The following PPM1D variants were observed in gnomAD, a reference collection of about 807,000 sequenced individuals.
PPM1D encodes protein phosphatase, Mg2+/Mn2+ dependent 1D, also known as protein phosphatase 1D.
A neutral mutation model predicts 58.3 loss-of-function variants in PPM1D; 52 were observed. That is an observed-to-expected ratio of 0.89 (90% CI 0.71 to 1.12). The LOEUF (loss-of-function observed/expected upper bound fraction) is 1.12. Ranked by LOEUF, PPM1D falls within the 50% of genes most tolerant of loss-of-function variation. The pLI, the probability that PPM1D is intolerant of heterozygous loss-of-function variation, is 0.00. For missense variants in PPM1D, 564 were observed against 777.2 expected, an observed-to-expected ratio of 0.73 and a Z score of 3.26; for synonymous variants, 278 against 285.1, an observed-to-expected ratio of 0.98 and a Z score of 0.25.
At chr17:60,611,976 G>A (rs2030464905) in intron 1 of PPM1D, among the ~76,000 whole-genome samples, 1 of 151,404 alleles carries the variant, frequency 6.6e-6, no homozygotes, top group South Asian at 2.1e-4. Context: ...CCTATGTGCT[G>A]TCCAATTGAC....
In PPM1D at chr17:60,649,628, G is replaced by T. The variant is rs201377878; in HGVS notation, c.1017+1546G>T. 1.2e-4 allele frequency among the ~76,000 whole-genome samples: 18 copies of T among 151,864 alleles called. No individual in the cohort carries two copies. In the South Asian group the frequency reaches 3.7e-3, roughly 32 times the overall value. On this transcript the variant is annotated intron_variant, in intron 4 of 5. Coordinates refer to ENST00000305921, the MANE Select transcript of PPM1D (RefSeq NM_003620.4). ...CTCTTGAACCCAGGAGGCAGAGGTC[G>T]CAGTGAGCCAAGATCATGCCATTGC...
intron 4 of PPM1D, among the ~76,000 whole-genome samples, chr17:60,655,590 A>C (rs946449366): frequency 6.6e-6 from 1 of 152,094 alleles, no homozygotes; most frequent in Non-Finnish European, 1.5e-5. Context: ...CTTGCAGTCC[A>C]CCTGCCTCCA....
rs1167161606 is a variant in PPM1D at position 60,623,660 on chromosome 17, G to A, written c.612G>A (p.Lys204=). The change falls in exon 2 of 6, where the codon AAG becomes AAA. Residue 204 remains lysine, a synonymous_variant. Coordinates refer to ENST00000305921, the MANE Select transcript of PPM1D (RefSeq NM_003620.4). ...TTCTTGGAATTCAGGATGACCCGAA[G>A]GATGACTTTGTCAGAGCTGTGGAGG... ...GVVLGIQDDP[K]DDFVRAVEVT... is the part of the protein sequence containing the mutation. The A allele has an allele frequency of 6.2e-7, 1 of 1,614,194 alleles. No individual in the cohort carries two copies.
At chr17:60,652,559 T>G (rs2031364685) in intron 4 of PPM1D, among the ~76,000 whole-genome samples, 1 of 145,672 alleles carries the variant, frequency 6.9e-6, no homozygotes, top group Non-Finnish European at 1.5e-5. Flanking sequence ...TGTTTTTTTT[T>G]TTTTTTTTTT....
intron 1 of PPM1D, among the ~76,000 whole-genome samples, chr17:60,606,999 A>AT (rs996101204): frequency 1.4e-3 from 200 of 142,946 alleles, no homozygotes; most frequent in Middle Eastern, 3.6e-3. Context: ...TTTTTTTTTA[A>AT]TTTTTTTTTT....
chr17:60,603,460 A>G (rs1288867527), intron 1 of PPM1D, among the ~76,000 whole-genome samples: 1 of 152,186 alleles, frequency 6.6e-6, no homozygotes, highest in Non-Finnish European at 1.5e-5. Context: ...ACCTCTTTCA[A>G]TGTCTGGCTT....
Position 60,600,490 on chromosome 17 carries a change from C to A in PPM1D, c.76C>A (p.Gln26Lys). 1 of 1,573,630 alleles carries A rather than the reference C, an allele frequency of 6.4e-7. No individual in the cohort carries two copies. The highest frequency in any genetic ancestry group is 2.3e-5 in the East Asian group (1 of 43,048). ...GGRKYMEDVTQIVVEPEPTAE... is the reference protein window; with the variant it reads ...GGRKYMEDVTKIVVEPEPTAE... ...GAGGAAGTACATGGAGGACGTTACT[C>A]AAATCGTTGTGGAGCCCGAACCGAC... is the stretch of plus-strand genomic sequence containing the variant. The change falls in exon 1 of 6, where the codon CAA becomes AAA. Residue 26 changes from glutamine to lysine, a missense_variant. Around this residue, in one of 7 missense-constraint regions of PPM1D, gnomAD observed 132 missense variants for 150.4 expected, o/e 0.88. Transcript: ENST00000305921.
At chr17:60,637,021 T>A (rs1387131287) in intron 3 of PPM1D, among the ~76,000 whole-genome samples, 1 of 150,278 alleles carries the variant, frequency 6.7e-6, no homozygotes, top group African/African-American at 2.4e-5. Flanking sequence ...CAGGTTGGCG[T>A]GCAGTGATGT....
rs973859079 is a variant in PPM1D, at chr17:60,600,302, C to G, written c.-113C>G. The G allele has an allele frequency of 1.4e-6, 2 of 1,458,630 alleles. No individual in the cohort carries two copies. The highest frequency in any genetic ancestry group is 2.6e-5 in the East Asian group (1 of 38,734). 90.4% of individuals were successfully genotyped at this position (1,458,630 alleles called of 1,614,324 possible). A position where few individuals can be genotyped will look rare whatever the true frequency, so the allele number is the denominator to read the frequency against. ...CCCTTCTCCGGGTCCGCCCCCTCCC[C>G]CTTCTCGGCGTCGTCGAAGATAAAC... On this transcript the variant is annotated 5_prime_UTR_variant, in exon 1 of 6. Coordinates refer to ENST00000305921, the MANE Select transcript of PPM1D (RefSeq NM_003620.4).
chr17:60,645,634 ATGTGTGTG>A (rs746534479), intron 3 of PPM1D, among the ~76,000 whole-genome samples: 14 of 135,688 alleles, frequency 1.0e-4, no homozygotes, highest in Non-Finnish European at 2.0e-4. Context: ...GTATATGTAT[ATGTGTGTG>A]TGTGTATATA....
chr17:60,648,212 G>A, intron 4 of PPM1D, 130 bp downstream of exon 4: 2 of 861,842 alleles, frequency 2.3e-6, no homozygotes, highest in East Asian at 5.5e-5. Context: ...CTGCTAGTGG[G>A]TAAAACATAG....
intron 1 of PPM1D, among the ~76,000 whole-genome samples, chr17:60,603,090 C>CA (rs1229723879): frequency 1.3e-5 from 2 of 152,172 alleles, no homozygotes; most frequent in South Asian, 2.1e-4. Flanking sequence ...AAGGAAAACT[C>CA]AAACAAAAAT....
chr17:60,635,470 C>T (rs2031005814), intron 3 of PPM1D, among the ~76,000 whole-genome samples: 1 of 152,200 alleles, frequency 6.6e-6, no homozygotes, highest in African/African-American at 2.4e-5. Context: ...CCGCCTTGGC[C>T]TCCCAAAGTG....
At chr17:60,657,019 C>T in intron 5 of PPM1D, 178 bp downstream of exon 5, 1 of 1,533,350 alleles carries the variant, frequency 6.5e-7, no homozygotes, top group Non-Finnish European at 8.7e-7. Context: ...GAATGCCAGC[C>T]ATGTGTACAG....
chr17:60,612,155 C>A (rs755038154), intron 1 of PPM1D, among the ~76,000 whole-genome samples: 1 of 152,112 alleles, frequency 6.6e-6, no homozygotes, highest in Admixed American at 6.6e-5. Flanking sequence ...TCATCACATT[C>A]AAAGCAATAA....
chr17:60,642,257 A>C (rs946547652), intron 3 of PPM1D, among the ~76,000 whole-genome samples: 2 of 152,170 alleles, frequency 1.3e-5, no homozygotes, highest in Non-Finnish European at 2.9e-5. Context: ...TTGAGCATCA[A>C]AACAAATTAT....
chr17:60,622,990 G>A (rs945323093), intron 1 of PPM1D, among the ~76,000 whole-genome samples: 2 of 152,150 alleles, frequency 1.3e-5, no homozygotes, highest in East Asian at 1.9e-4. Context: ...CCAGCTACTC[G>A]AGAGGCTGAG....
At position 60,600,286 on chromosome 17, in the gene PPM1D, G is replaced by A. The variant is rs1030308178; in HGVS notation, c.-129G>A. The A allele has an allele frequency of 2.8e-6, 4 of 1,434,562 alleles. No homozygotes were observed. In the South Asian group the frequency reaches 5.7e-5, roughly 20 times the overall value. 88.9% of individuals were successfully genotyped at this position (1,434,562 alleles called of 1,614,324 possible). ...AGACATCGCGCGCCCCCCCTTCTCC[G>A]GGTCCGCCCCCTCCCCCTTCTCGGC... On this transcript the variant is annotated 5_prime_UTR_variant, in exon 1 of 6. Transcript: ENST00000305921.
chr17:60,643,159 C>T (rs1436706960), intron 3 of PPM1D, among the ~76,000 whole-genome samples: 1 of 151,922 alleles, frequency 6.6e-6, no homozygotes, highest in African/African-American at 2.4e-5. Flanking sequence ...GTGGGTGGAT[C>T]GCTTGAGCTC....
Sources: allele counts gnomAD v4.1 joint callset (sites outside exome capture counted in the v4.1 genomes callset), GRCh38; gene constraint gnomAD v4.1.1; regional missense constraint gnomAD v4.1.1; transcripts MANE v1.5; gene names NCBI Gene and HGNC (gene_info 2026-07-23, HGNC 2026-07-21).